The following HIBCH variants were observed in gnomAD, a reference collection of about 807,000 sequenced individuals.
HIBCH encodes the protein 3-hydroxyisobutyryl-CoA hydrolase, mitochondrial.
HIBCH carries 50 observed loss-of-function variants against 58.2 expected under a neutral mutation model. The observed-to-expected ratio is 0.86, with a 90% CI of 0.68 to 1.09. HIBCH has a LOEUF of 1.09. Among genes scored for constraint, HIBCH ranks in the 50% least tolerant of loss-of-function variants. HIBCH has a pLI of 0.00. For missense variants in HIBCH, 450 were observed against 449.7 expected (o/e 1.00, Z -0.01); for synonymous variants, 151 against 146.9 (o/e 1.03, Z -0.20).
intron 7 of HIBCH, among the ~76,000 whole-genome samples, chr2:190,256,398 T>C (rs189674655): frequency 1.2e-4 from 18 of 146,554 alleles, no homozygotes; most frequent in African/African-American, 4.6e-4. Flanking sequence ...CTTGCCCCAG[T>C]AGTGGGAAAT....
At chr2:190,212,835 T>G (rs1240949739) in intron 12 of HIBCH, 121 bp downstream of exon 12, 1 of 839,186 alleles carries the variant, frequency 1.2e-6, no homozygotes, top group African/African-American at 1.7e-5. Context: ...TGTGTTTTTG[T>G]AGAGTAAATT....
rs71434686 is a variant in HIBCH at position 190,206,908 on chromosome 2, G to A, written c.1046-1676C>T. On this transcript the variant is annotated intron_variant, in intron 13 of 13. Coordinates refer to ENST00000359678, the MANE Select transcript of HIBCH (RefSeq NM_014362.4). This position sits in a 1 kb window ranked among gnomAD's most constrained non-coding sequence, Gnocchi z 5.1. ...TGGGAGGCTGAGGTAGGCGGATTAC[G>A]AGGTCAGGAGATCGAGACCATCCTG... is the stretch of plus-strand genomic sequence containing the variant. Among the ~76,000 whole-genome samples the A allele has an allele frequency of 7.8e-3, 1,186 of 152,116 alleles. 15 individuals are homozygous for A. Among genetic ancestry groups the A allele is most frequent in the Non-Finnish European group, 0.014 (926 of 67,964 alleles).
In HIBCH at chr2:190,241,794, A is replaced by G. The variant is rs1686461552; in HGVS notation, c.891+3093T>C. Among the ~76,000 whole-genome samples the G allele has an allele frequency of 3.3e-5, 5 of 151,794 alleles. No individual in the cohort carries two copies. In the South Asian group the frequency reaches 1.0e-3, roughly 32 times the overall value. ...TCAAGAATGTTGAATATTGGCCCCC[A>G]CTCTCTTCTGGATTGTATGGTTTCT... On this transcript the variant is annotated intron_variant, in intron 11 of 13. Coordinates refer to ENST00000359678, the MANE Select transcript of HIBCH (RefSeq NM_014362.4).
chr2:190,277,312 T>C (rs993231698), intron 6 of HIBCH, among the ~76,000 whole-genome samples: 7 of 152,214 alleles, frequency 4.6e-5, no homozygotes, highest in African/African-American at 1.4e-4. Context: ...CTACTCTTCA[T>C]GGTGGGTAAC....
Position 190,205,126 on chromosome 2 carries a change from C to T in HIBCH, c.1152G>A (p.Leu384=). Reference sequence around the variant, plus strand: ...TTAAAAGCCTGTCACCTCAAAATTTCAAATCACTGCTTCCCAAAGACTTAA... The same window carrying T: ...TTAAAAGCCTGTCACCTCAAAATTTTAAATCACTGCTTCCCAAAGACTTAA... The part of the protein sequence containing the change: ...NHFKSLGSSD[L]KF Residue 384 remains leucine, a synonymous_variant, in exon 14 of 14, where the codon TTG becomes TTA. Transcript: ENST00000359678. 1 of 1,590,976 alleles carries T rather than the reference C, an allele frequency of 6.3e-7. No individual in the cohort carries two copies. The highest frequency in any genetic ancestry group is 2.2e-5 in the East Asian group (1 of 44,714).
chr2:190,192,273 G>GT (rs1172272992), intron 1 of HIBCH, among the ~76,000 whole-genome samples: 1 of 152,024 alleles, frequency 6.6e-6, no homozygotes, highest in East Asian at 1.9e-4. Context: ...TTTTATGGGT[G>GT]TATCTCTGGA....
intron 3 of HIBCH, among the ~76,000 whole-genome samples, chr2:190,296,169 C>T (rs1688097816): frequency 6.6e-6 from 1 of 152,074 alleles, no homozygotes; most frequent in African/African-American, 2.4e-5. Flanking sequence ...GCCTGTAATC[C>T]CAGCACTTTG....
At chr2:190,248,614 T>C (rs535155000) in intron 9 of HIBCH, among the ~76,000 whole-genome samples, 5 of 152,180 alleles carry the variant, frequency 3.3e-5, no homozygotes, top group African/African-American at 1.2e-4. Context: ...ATAATCTCAG[T>C]ACTTTGGGAA....
Position 190,306,725 on chromosome 2 carries a change from C to G in HIBCH, c.78+4029G>C, listed in dbSNP as rs748600656. On this transcript the variant is annotated intron_variant, in intron 2 of 13. Coordinates refer to ENST00000359678, the MANE Select transcript of HIBCH (RefSeq NM_014362.4). This position sits in a 1 kb window ranked among gnomAD's most constrained non-coding sequence, Gnocchi z 4.6. ...CTATTAGCTTGTATAGTACTACAGA[C>G]TGAATGCTTGCATCCTTCCAAAATT... 9.2e-5 allele frequency among the ~76,000 whole-genome samples: 14 copies of G among 152,204 alleles called. No individual in the cohort carries two copies. The highest frequency in any genetic ancestry group is 2.1e-4 in the Non-Finnish European group (14 of 68,036).
intron 4 of HIBCH, among the ~76,000 whole-genome samples, chr2:190,291,187 C>T (rs1377113434): frequency 6.6e-6 from 1 of 152,056 alleles, no homozygotes; most frequent in Non-Finnish European, 1.5e-5. Flanking sequence ...AATATTTCTG[C>T]CACATTCATT....
At chr2:190,282,497 A>G (rs1045944361) in intron 6 of HIBCH, among the ~76,000 whole-genome samples, 23 of 152,212 alleles carry the variant, frequency 1.5e-4, no homozygotes, top group African/African-American at 5.1e-4. Flanking sequence ...AACCATTCCC[A>G]TAAGAACTAA....
intron 11 of HIBCH, among the ~76,000 whole-genome samples, chr2:190,228,539 A>C (rs13010589): frequency 0.3 from 45,377 of 151,526 alleles, 7,634 homozygotes; most frequent in East Asian, 0.45. Context: ...CCTAGAACTT[A>C]AAGTATAATT....
chr2:190,293,624 C>A (rs1688015109), intron 4 of HIBCH, among the ~76,000 whole-genome samples: 1 of 152,106 alleles, frequency 6.6e-6, no homozygotes, highest in Non-Finnish European at 1.5e-5. Context: ...CTGAATCCAG[C>A]TTTTTTCCTG....
rs998201310 is a variant in HIBCH, at chr2:190,254,486, C to A, written c.518-2179G>T. Among the ~76,000 whole-genome samples, 16 of 152,122 alleles carry A rather than the reference C, an allele frequency of 1.1e-4. No homozygotes were observed. Among genetic ancestry groups the A allele is most frequent in the African/African-American group, 3.9e-4 (16 of 41,424 alleles). On this transcript the variant is annotated intron_variant, in intron 7 of 13. Coordinates refer to ENST00000359678, the MANE Select transcript of HIBCH (RefSeq NM_014362.4). This position sits in a 1 kb window ranked among gnomAD's most constrained non-coding sequence, Gnocchi z 5.0. ...AGTTTGTGGTATTTTGTTATGCAGC[C>A]CTAAAAGTTTAATACACTGCGAAAT...
In HIBCH at chr2:190,283,491, C is replaced by T. The variant is rs188324913; in HGVS notation, c.438+4095G>A. Among the ~76,000 whole-genome samples the T allele has an allele frequency of 2.2e-3, 330 of 152,244 alleles. 2 individuals carry two copies. The highest frequency in any genetic ancestry group is 6.9e-3 in the African/African-American group (287 of 41,554). On this transcript the variant is annotated intron_variant, in intron 6 of 13. Coordinates refer to ENST00000359678, the MANE Select transcript of HIBCH (RefSeq NM_014362.4). ...CATTGCTCCATCTGTAAGGGCACAC[C>T]CTTCTATAGTAGTACATTTCCTTGC...
In HIBCH at chr2:190,265,121, T is replaced by TGAAAAA. The variant is rs1559042131; in HGVS notation, c.439-3888_439-3887insTTTTTC. 3.4e-4 allele frequency among the ~76,000 whole-genome samples: 15 copies of TGAAAAA among 43,686 alleles called. 1 individual carries two copies. Among genetic ancestry groups the TGAAAAA allele is most frequent in the African/African-American group, 2.3e-3 (15 of 6,572 alleles). The allele number at this position is 43,686 out of a possible 152,430, so 28.7% of individuals were successfully genotyped here. On this transcript the variant is annotated intron_variant, in intron 6 of 13. Transcript: ENST00000359678. ...CTGGAGGACAGAGCAAGACTCCGTC[T>TGAAAAA]CAAAAAAAAAAAAAAAAAAAAAAAA...
At chr2:190,226,947 G>C (rs1048440148) in intron 11 of HIBCH, among the ~76,000 whole-genome samples, 2 of 152,048 alleles carry the variant, frequency 1.3e-5, no homozygotes, top group Non-Finnish European at 1.5e-5. Flanking sequence ...ACAAATGGAA[G>C]AACATTCCAT....
chr2:190,201,669 A>G (rs1690248120), downstream of HIBCH: 1 of 167,068 alleles, frequency 6.0e-6, no homozygotes, highest in South Asian at 2.1e-4. Flanking sequence ...GAAATATGCC[A>G]TGTTTTCGTT....
downstream of HIBCH, chr2:190,199,926 TGA>T (rs760471212): frequency 1.2e-6 from 2 of 1,614,076 alleles, no homozygotes; most frequent in Non-Finnish European, 1.7e-6. Context: ...AGAAGCAGCA[TGA>T]GAGTGAAGAA....
Sources: allele counts gnomAD v4.1 joint callset (sites outside exome capture counted in the v4.1 genomes callset), GRCh38; gene constraint gnomAD v4.1.1; non-coding constraint Gnocchi (gnomAD v3.1); transcripts MANE v1.5; gene names NCBI Gene and HGNC (gene_info 2026-07-23, HGNC 2026-07-21).